CRACD: variants seen among roughly 807,000 people sequenced by gnomAD.
The protein encoded by CRACD is capping protein-inhibiting regulator of actin dynamics.
Under a neutral mutation model 106.8 loss-of-function variants are expected in CRACD, and 56 were observed. The observed-to-expected ratio is 0.52, with a 90% CI of 0.42 to 0.66. The LOEUF is 0.66. Ranked by LOEUF, CRACD falls within the 30% of genes least tolerant of loss-of-function variation. The pLI, the probability that CRACD is intolerant of heterozygous loss-of-function variation, is 0.00. For synonymous variants in CRACD, 754 were observed against 670.8 expected (o/e 1.12, Z -1.92); for missense variants, 1,730 against 1,623.2 (o/e 1.07, Z -1.13).
intron 3 of CRACD, among the ~76,000 whole-genome samples, chr4:56,284,157 C>T (rs534903145): frequency 1.3e-5 from 2 of 152,012 alleles, no homozygotes; most frequent in African/African-American, 4.8e-5. Flanking sequence ...ATTTTCTTAT[C>T]CTTTGAAAAT....
intron 1 of CRACD, among the ~76,000 whole-genome samples, chr4:56,110,817 A>C (rs1734095346): frequency 1.3e-5 from 2 of 152,228 alleles, no homozygotes; most frequent in Admixed American, 1.3e-4. Flanking sequence ...GGCTGGTCTC[A>C]AACTTCTGAC....
intron 1 of CRACD, among the ~76,000 whole-genome samples, chr4:56,137,275 GA>G (rs33967264): frequency 0.08 from 11,345 of 141,400 alleles, 545 homozygotes; most frequent in Admixed American, 0.15. Flanking sequence ...CTGCTTCAAA[GA>G]AAAAAAAAAA....
At chr4:56,137,164 G>A (rs909051250) in intron 1 of CRACD, among the ~76,000 whole-genome samples, 2 of 152,004 alleles carry the variant, frequency 1.3e-5, no homozygotes, top group Admixed American at 1.3e-4. Flanking sequence ...GCATGTGGTA[G>A]TGCATGCCTG....
At chr4:56,199,681 C>CAAAAA (rs372264328) in intron 2 of CRACD, among the ~76,000 whole-genome samples, 2 of 101,268 alleles carry the variant, frequency 2.0e-5, no homozygotes, top group East Asian at 3.6e-4. Context: ...AACTCCGTCT[C>CAAAAA]AAAAAAAAAA....
At chr4:56,320,849 G>A in intron 8 of CRACD, 1 of 161,336 alleles carries the variant, frequency 6.2e-6, no homozygotes. Context: ...AATAATGGCA[G>A]TAACCTTCAT....
At position 56,315,134 on chromosome 4, in the gene CRACD, A is replaced by G. The variant is rs748756390; in HGVS notation, c.1632A>G (p.Gly544=). Residue 544 remains glycine, a synonymous_variant, in exon 8 of 11, where the codon GGA becomes GGG. Coordinates refer to ENST00000682029, the MANE Select transcript of CRACD (RefSeq NM_001393381.1). The surrounding 1 kb of genome is among the most constrained non-coding windows in gnomAD (Gnocchi z 4.1). Reference sequence around the variant, plus strand: ...CCTACACGTTCCAGGTGTCCTCCGGAGGGAAGCAGATTCTCTTTCCCAAAG... The same window carrying G: ...CCTACACGTTCCAGGTGTCCTCCGGGGGGAAGCAGATTCTCTTTCCCAAAG... ...PRPYTFQVSS[G]GKQILFPKVN... The G allele has an allele frequency of 1.9e-6, 3 of 1,609,172 alleles. No individual in the cohort carries two copies. Among genetic ancestry groups the G allele is most frequent in the African/African-American group, 2.7e-5 (2 of 74,876 alleles).
At chr4:56,284,017 A>G (rs1446278487) in intron 3 of CRACD, among the ~76,000 whole-genome samples, 1 of 152,018 alleles carries the variant, frequency 6.6e-6, no homozygotes, top group African/African-American at 2.4e-5. Flanking sequence ...TTCTGCAGTG[A>G]CCTCCTGGAA....
At chr4:56,208,104 A>G (rs1177065303) in intron 2 of CRACD, among the ~76,000 whole-genome samples, 1 of 151,888 alleles carries the variant, frequency 6.6e-6, no homozygotes, top group Admixed American at 6.6e-5. Flanking sequence ...GTGATCTATC[A>G]TGCTGACTGC....
At chr4:56,324,025 G>A in intron 9 of CRACD, 79 bp from the exon 10 acceptor site, 3 of 1,467,896 alleles carry the variant, frequency 2.0e-6, no homozygotes, top group Middle Eastern at 2.6e-4. Flanking sequence ...GCAGGCAGAG[G>A]CCCCGAAGGC....
At chr4:56,214,507 A>G (rs1738562547) in intron 2 of CRACD, among the ~76,000 whole-genome samples, 1 of 151,532 alleles carries the variant, frequency 6.6e-6, no homozygotes. Context: ...CAGGAGAATC[A>G]CGTGAACCCG....
intron 4 of CRACD, among the ~76,000 whole-genome samples, chr4:56,304,041 A>T (rs1009999355): frequency 6.6e-6 from 1 of 152,062 alleles, no homozygotes; most frequent in Admixed American, 6.5e-5. Context: ...CAGGATGAAC[A>T]TATCTGTGAC....
At chr4:56,073,794 A>G (rs991870859) in intron 1 of CRACD, among the ~76,000 whole-genome samples, 3 of 152,018 alleles carry the variant, frequency 2.0e-5, no homozygotes, top group Admixed American at 1.3e-4. Flanking sequence ...TATGTCCTGA[A>G]TGGTATTGCC....
intron 2 of CRACD, among the ~76,000 whole-genome samples, chr4:56,186,200 G>T (rs1433143135): frequency 6.6e-6 from 1 of 152,206 alleles, no homozygotes; most frequent in Non-Finnish European, 1.5e-5. Flanking sequence ...AAATCCTTTT[G>T]TGATGGTAGA....
At chr4:56,079,198 C>T (rs185280811) in intron 1 of CRACD, among the ~76,000 whole-genome samples, 12 of 152,260 alleles carry the variant, frequency 7.9e-5, no homozygotes, top group African/African-American at 2.9e-4. Flanking sequence ...TTTCCCAAAA[C>T]AACTTTAGAA....
intron 1 of CRACD, among the ~76,000 whole-genome samples, chr4:56,129,612 C>T (rs1208699106): frequency 6.6e-6 from 1 of 152,206 alleles, no homozygotes; most frequent in Non-Finnish European, 1.5e-5. Context: ...TGATGGTCAC[C>T]TGTCCACACT....
At chr4:56,106,772 T>C (rs1367226010) in intron 1 of CRACD, among the ~76,000 whole-genome samples, 1 of 152,190 alleles carries the variant, frequency 6.6e-6, no homozygotes, top group East Asian at 1.9e-4. Flanking sequence ...ATGAACACCA[T>C]TGAGCTGTGA....
intron 3 of CRACD, among the ~76,000 whole-genome samples, chr4:56,286,996 G>T (rs997042855): frequency 8.5e-5 from 13 of 152,106 alleles, no homozygotes; most frequent in African/African-American, 3.1e-4. Flanking sequence ...ACTCATCCAG[G>T]CCTCCGCTGA....
Position 56,316,214 on chromosome 4 carries a change from A to G in CRACD, c.2712A>G (p.Pro904=). 2 of 1,614,060 alleles carry G rather than the reference A, an allele frequency of 1.2e-6. No individual in the cohort carries two copies. Among genetic ancestry groups the G allele is most frequent in the Non-Finnish European group, 1.7e-6 (2 of 1,179,942 alleles). Residue 904 remains proline (P), a synonymous_variant, in exon 8 of 11, where the codon CCA becomes CCG. Coordinates refer to ENST00000682029, the MANE Select transcript of CRACD (RefSeq NM_001393381.1). ...AGGGTGTGGCCCTCAAGCATGGTCCATCCCTCCCCCAAGAGCGGAAGCAAG... is the reference window on the plus strand; with the variant it reads ...AGGGTGTGGCCCTCAAGCATGGTCCGTCCCTCCCCCAAGAGCGGAAGCAAG... ...EMEGVALKHG[P]SLPQERKQAP... is the part of the protein sequence containing the mutation.
At chr4:56,173,900 C>T (rs1736478162) in intron 1 of CRACD, among the ~76,000 whole-genome samples, 1 of 152,120 alleles carries the variant, frequency 6.6e-6, no homozygotes. Flanking sequence ...TTTTCTGTAT[C>T]TTTGATAATG....
Sources: allele counts gnomAD v4.1 joint callset (sites outside exome capture counted in the v4.1 genomes callset), GRCh38; gene constraint gnomAD v4.1.1; non-coding constraint Gnocchi (gnomAD v3.1); transcripts MANE v1.5; gene names NCBI Gene and HGNC (gene_info 2026-07-23, HGNC 2026-07-21).